Variants in NYX observed in about 807,000 individuals in gnomAD.
NYX encodes the protein nyctalopin, also known as leucine-rich repeat protein.
For synonymous variants in NYX, 258 were observed against 245.7 expected (o/e 1.05, Z -0.47); for missense variants, 481 against 485.4 (o/e 0.99, Z 0.09).
At chrX:41,467,542 C>T (rs770150575) in intron 2 of NYX, among the ~76,000 whole-genome samples, 2 of 108,638 alleles carry the variant, frequency 1.8e-5, no homozygotes, top group Admixed American at 9.9e-5. Flanking sequence ...TTAGTAGAGA[C>T]GGGGTTTCAC....
intron 2 of NYX, among the ~76,000 whole-genome samples, chrX:41,451,733 C>T (rs1370692624): frequency 1.4e-4 from 15 of 110,464 alleles, no homozygotes; most frequent in Non-Finnish European, 2.6e-4. Flanking sequence ...AGGCTGTTTT[C>T]GAACTCCTGA....
At chrX:41,473,331 T>C (rs1176433604) in intron 2 of NYX, among the ~76,000 whole-genome samples, 160 bp from the exon 3 acceptor site, 1 of 110,433 alleles carries the variant, frequency 9.1e-6, no homozygotes, top group African/African-American at 3.3e-5. Flanking sequence ...GCCGCGGAGG[T>C]GGGAAGAGGC....
At chrX:41,470,444 A>G (rs1324632028) in intron 2 of NYX, among the ~76,000 whole-genome samples, 1 of 111,765 alleles carries the variant, frequency 8.9e-6, no homozygotes, top group Non-Finnish European at 1.9e-5. Flanking sequence ...CTGTAATCCC[A>G]GCACTTTGGG....
In NYX at chrX:41,474,567, G is replaced by A; in HGVS notation, c.1099G>A (p.Asp367Asn). 1.7e-6 allele frequency: 2 copies of A among 1,197,621 alleles called. No homozygotes were observed. The highest frequency in any genetic ancestry group is 2.2e-6 in the Non-Finnish European group (2 of 889,389). ...CTCCCCGGGCTCCGTGGCCGGCCTG[G>A]ACCTCAGCCAGGTGACCTTCGGGCG... ...CASPGSVAGL[D>N]LSQVTFGRSS... Residue 367 changes from aspartate to asparagine, a missense_variant, in exon 3 of 3, where the codon GAC (aspartate) becomes AAC (asparagine). Transcript: ENST00000378220.
intron 2 of NYX, among the ~76,000 whole-genome samples, chrX:41,464,170 A>G (rs2064330397): frequency 9.2e-6 from 1 of 108,249 alleles, no homozygotes; most frequent in African/African-American, 3.4e-5. Context: ...TTTTAAAACA[A>G]GGTCTGGCTC....
chrX:41,462,217 A>T (rs891401378), intron 2 of NYX, among the ~76,000 whole-genome samples: 2 of 112,480 alleles, frequency 1.8e-5, no homozygotes, highest in African/African-American at 6.4e-5. Context: ...TTGTTTGCCC[A>T]TTCAACTCTT....
At chrX:41,460,445 C>T (rs2064314263) in intron 2 of NYX, among the ~76,000 whole-genome samples, 1 of 111,947 alleles carries the variant, frequency 8.9e-6, no homozygotes, top group Non-Finnish European at 1.9e-5. Context: ...TGTTGGGATT[C>T]CAGGCGTGAG....
intron 2 of NYX, chrX:41,472,474 G>A (rs2064365435): frequency 1.2e-6 from 1 of 801,489 alleles, no homozygotes; most frequent in Admixed American, 2.4e-5. Context: ...CCCGAAGGGC[G>A]GCTCGGGCCC....
intron 2 of NYX, among the ~76,000 whole-genome samples, chrX:41,454,641 C>T (rs2064293053): frequency 1.8e-5 from 2 of 109,506 alleles, no homozygotes; most frequent in Admixed American, 9.9e-5. Flanking sequence ...GGCTCTCACT[C>T]TGTCACCTAG....
chrX:41,465,989 C>T (rs1025690963), intron 2 of NYX, among the ~76,000 whole-genome samples: 4 of 111,547 alleles, frequency 3.6e-5, no homozygotes, highest in African/African-American at 1.3e-4. Flanking sequence ...TGTATACTAA[C>T]TTTGTGGCTC....
At chrX:41,472,402 C>T in intron 2 of NYX, 1 of 1,159,734 alleles carries the variant, frequency 8.6e-7, no homozygotes, top group Non-Finnish European at 1.2e-6. Flanking sequence ...CACGCACACC[C>T]TCGTGCAATG....
intron 2 of NYX, among the ~76,000 whole-genome samples, chrX:41,454,754 G>C (rs1293610444): frequency 9.0e-6 from 1 of 111,064 alleles, no homozygotes; most frequent in Admixed American, 9.7e-5. Context: ...GTACAGGTGT[G>C]CATCACCACG....
rs1335308569 is a variant in NYX at position 41,460,876 on chromosome X, A to ATTCTTTTTTTT, written c.23-12613_23-12612insCTTTTTTTTTT. 2.4e-4 allele frequency among the ~76,000 whole-genome samples: 6 copies of ATTCTTTTTTTT among 24,781 alleles called. 1 individual carries two copies. The highest frequency in any genetic ancestry group is 4.1e-3 in the East Asian group (2 of 485). 21.5% of individuals were successfully genotyped at this position (24,781 alleles called of 115,157 possible). On this transcript the variant is annotated intron_variant, in intron 2 of 2. Coordinates refer to ENST00000378220, the MANE Select transcript of NYX (RefSeq NM_001378477.3). ...ATGTAAGCGGAGTCACACAGTATGT[A>ATTCTTTTTTTT]TTTTTTTTTTTTTTTTTTTTTTTTT...
Position 41,447,868 on chromosome X carries a change from G to A in NYX, c.-37G>A, listed in dbSNP as rs765366166. On this transcript the variant is annotated 5_prime_UTR_variant, in exon 2 of 3. In the 5' UTR this introduces an upstream ATG that the reference lacks. Coordinates refer to ENST00000378220, the MANE Select transcript of NYX (RefSeq NM_001378477.3). Reference sequence around the variant, plus strand: ...CCTCAGGTAGGGGTCCCACGGCTGGGTGGTCCTAAGCCACTGGGTGGATGA... The same window carrying A: ...CCTCAGGTAGGGGTCCCACGGCTGGATGGTCCTAAGCCACTGGGTGGATGA... The A allele has an allele frequency of 4.1e-6, 5 of 1,210,203 alleles. No homozygotes were observed. The highest frequency in any genetic ancestry group is 5.6e-6 in the Non-Finnish European group (5 of 894,343).
chrX:41,474,515 C>T lies in NYX; in HGVS notation c.1047C>T (p.Ser349=). ...GGCTGAGGGACTGGATGGAGGGCTC[C>T]GGACGTGTCACCGACGTGCCGTGCG... ...LEWLRDWMEG[S]GRVTDVPCAS... The change falls in exon 3 of 3, where the codon TCC becomes TCT. Residue 349 remains serine, a synonymous_variant. Coordinates refer to ENST00000378220, the MANE Select transcript of NYX (RefSeq NM_001378477.3). 2 of 1,207,262 alleles carry T rather than the reference C, an allele frequency of 1.7e-6. No individual in the cohort carries two copies. Among genetic ancestry groups the T allele is most frequent in the Non-Finnish European group, 2.2e-6 (2 of 894,664 alleles).
At chrX:41,461,752 G>A (rs1330365347) in intron 2 of NYX, among the ~76,000 whole-genome samples, 2 of 111,435 alleles carry the variant, frequency 1.8e-5, no homozygotes, top group Admixed American at 9.7e-5. Flanking sequence ...GTTTTGCGTT[G>A]TGGTTTTGAT....
Position 41,474,955 on chromosome X carries a change from G to C in NYX, c.*56G>C. 5 of 1,056,869 alleles carry C rather than the reference G, an allele frequency of 4.7e-6. No homozygotes were observed. Among genetic ancestry groups the C allele is most frequent in the Non-Finnish European group, 6.5e-6 (5 of 769,501 alleles). 87.1% of individuals were successfully genotyped at this position (1,056,869 alleles called of 1,213,427 possible). ...TGGGCTTGAGTGTGTTTGTGGTAAG[G>C]GGAGAGGAGCCGGAATGGAGGGCAG... On this transcript the variant is annotated 3_prime_UTR_variant, in exon 3 of 3. Transcript: ENST00000378220.
At chrX:41,447,562 T>A in intron 1 of NYX, 46 bp downstream of exon 1, 1 of 330,876 alleles carries the variant, frequency 3.0e-6, no homozygotes. Context: ...TCTGCAGGGG[T>A]TTCCTCTCCA....
intron 2 of NYX, among the ~76,000 whole-genome samples, chrX:41,458,691 T>C (rs1234967111): frequency 9.5e-6 from 1 of 105,596 alleles, no homozygotes; most frequent in African/African-American, 3.4e-5. Flanking sequence ...GGTCTCAAAC[T>C]CCTGACCTCA....
Sources: gnomAD v4.1 joint callset for allele counts (sites outside exome capture counted in the v4.1 genomes callset) on GRCh38, gnomAD v4.1.1 for gene constraint, MANE v1.5 for transcripts, NCBI Gene and HGNC (gene_info 2026-07-23, HGNC 2026-07-21) for gene names.